Variants in GUCY1A1 observed in about 807,000 individuals in gnomAD.
GUCY1A1 encodes guanylate cyclase 1 soluble subunit alpha 1, also known as guanylate cyclase soluble subunit alpha-1.
Under a neutral mutation model 64.5 loss-of-function variants are expected in GUCY1A1, and 48 were observed. That is an observed-to-expected ratio of 0.74 (90% CI 0.59 to 0.95). GUCY1A1 has a LOEUF of 0.95. Ranked by LOEUF, GUCY1A1 falls within the 40% of genes least tolerant of loss-of-function variation. The pLI is 0.00. For synonymous variants in GUCY1A1, 308 were observed against 303.4 expected, an observed-to-expected ratio of 1.02 and a Z score of -0.16; for missense variants, 804 against 825.3, an observed-to-expected ratio of 0.97 and a Z score of 0.32.
At position 155,724,751 on chromosome 4, in the gene GUCY1A1, ACT is replaced by A. The variant is rs373423528; in HGVS notation, c.1871+2562_1871+2563del. Among the ~76,000 whole-genome samples the A allele has an allele frequency of 1.5e-4, 23 of 151,710 alleles. No individual in the cohort carries two copies. The East Asian group carries it at 4.5e-3, about 30-fold the overall frequency. Reference sequence around the variant, plus strand: ...TATCTTCTGTATCTGAACTTTTATGACTCTAACTATTTTTTAAAAAAAATCTT... The same window carrying A: ...TATCTTCTGTATCTGAACTTTTATGACTAACTATTTTTTAAAAAAAATCTT... On this transcript the variant is annotated intron_variant, in intron 9 of 9. Transcript: ENST00000506455.
intron 3 of GUCY1A1, among the ~76,000 whole-genome samples, chr4:155,700,026 G>A (rs1730881171): frequency 6.6e-6 from 1 of 152,094 alleles, no homozygotes; most frequent in Non-Finnish European, 1.5e-5. Flanking sequence ...CTTGCTTAAA[G>A]CAAAAGATAA....
chr4:155,674,461 A>AT (rs1381209177), intron 2 of GUCY1A1, among the ~76,000 whole-genome samples: 1 of 151,428 alleles, frequency 6.6e-6, no homozygotes, highest in East Asian at 1.9e-4. Flanking sequence ...TAAAAAAAAA[A>AT]TGTTTAAAAT....
At chr4:155,694,295 C>T (rs1730142588) in intron 2 of GUCY1A1, among the ~76,000 whole-genome samples, 1 of 152,052 alleles carries the variant, frequency 6.6e-6, no homozygotes, top group African/African-American at 2.4e-5. Context: ...GTAATTCCAG[C>T]ACTTTGTGAA....
chr4:155,673,266 C>T (rs1256443728), intron 2 of GUCY1A1, among the ~76,000 whole-genome samples: 1 of 151,386 alleles, frequency 6.6e-6, no homozygotes, highest in East Asian at 1.9e-4. Flanking sequence ...TTATGCTTGT[C>T]ACTGAGGAAG....
Position 155,696,762 on chromosome 4 carries a change from C to A in GUCY1A1, c.-106C>A. ...GACTTTTTGCTGTCCATAGACATCC[C>A]AGTTACCAGTGTCCTTGAATTGATA... On this transcript the variant is annotated 5_prime_UTR_variant, in exon 3 of 10. Transcript: ENST00000506455. The A allele has an allele frequency of 9.9e-7, 1 of 1,010,690 alleles. No individual in the cohort carries two copies. Among genetic ancestry groups the A allele is most frequent in the Non-Finnish European group, 1.5e-6 (1 of 670,168 alleles). 62.6% of individuals were successfully genotyped at this position (1,010,690 alleles called of 1,614,324 possible).
Position 155,730,757 on chromosome 4 carries a change from A to G in GUCY1A1, c.*526A>G, listed in dbSNP as rs974378286. 6.5e-6 allele frequency: 1 copy of G among 153,262 alleles called. No individual in the cohort carries two copies. Among genetic ancestry groups the G allele is most frequent in the African/African-American group, 2.4e-5 (1 of 41,362 alleles). The allele number at this position is 153,262 out of a possible 1,614,324, so 9.5% of individuals were successfully genotyped here. A position where few individuals can be genotyped will look rare whatever the true frequency, so the allele number is the denominator to read the frequency against. On this transcript the variant is annotated 3_prime_UTR_variant, in exon 10 of 10. Transcript: ENST00000506455. ...GAATATAGGCTGACTTTTTTTCTCT[A>G]TTGCACTTTCTTCTTTTTTTCTTTT...
At position 155,722,281 on chromosome 4, in the gene GUCY1A1, C is replaced by CT. The variant is rs1579117112; in HGVS notation, c.1871+95dup. On this transcript the variant is annotated intron_variant, in intron 9 of 9. Coordinates refer to ENST00000506455, the MANE Select transcript of GUCY1A1 (RefSeq NM_001130682.3). Reference sequence around the variant, plus strand: ...CACTGATTTGATTCATTCTTCATAACTTTTTTCTTCCTTAGTCGTAAGGAA... The same window carrying CT: ...CACTGATTTGATTCATTCTTCATAACTTTTTTTCTTCCTTAGTCGTAAGGAA... 7.9e-6 allele frequency: 12 copies of CT among 1,512,824 alleles called. No individual in the cohort carries two copies. The East Asian group carries it at 2.1e-4, about 27-fold the overall frequency. 93.7% of individuals were successfully genotyped at this position (1,512,824 alleles called of 1,614,324 possible).
chr4:155,680,212 C>T (rs1045553632), intron 2 of GUCY1A1, among the ~76,000 whole-genome samples: 8 of 152,172 alleles, frequency 5.3e-5, no homozygotes, highest in Middle Eastern at 3.4e-3. Context: ...TAATTTATCT[C>T]GTGAATGTTC....
rs370094263 is a variant in GUCY1A1 at position 155,713,084 on chromosome 4, C to T, written c.1087-14C>T. On this transcript the variant is annotated splice_polypyrimidine_tract_variant and intron_variant, in intron 6 of 9. Transcript: ENST00000506455. ...ACTTGAATAAACCACAATTGGTTATCCTTTCCTTCATAGGTTATGGACCTC... is the reference window on the plus strand; with the variant it reads ...ACTTGAATAAACCACAATTGGTTATTCTTTCCTTCATAGGTTATGGACCTC... The T allele has an allele frequency of 6.9e-6, 11 of 1,586,732 alleles. No individual in the cohort carries two copies. The highest frequency in any genetic ancestry group is 9.4e-6 in the Non-Finnish European group (11 of 1,165,580).
intron 2 of GUCY1A1, among the ~76,000 whole-genome samples, chr4:155,673,811 G>A (rs373206338): frequency 2.0e-5 from 3 of 151,470 alleles, no homozygotes; most frequent in African/African-American, 7.4e-5. Context: ...TACACATCTT[G>A]TAGATCTCAA....
At chr4:155,694,390 G>GA (rs539102277) in intron 2 of GUCY1A1, among the ~76,000 whole-genome samples, 2 of 152,038 alleles carry the variant, frequency 1.3e-5, no homozygotes, top group East Asian at 1.9e-4. Context: ...TAATAATAAT[G>GA]AAAAAAACTC....
At chr4:155,708,931 T>G (rs1483919809) in intron 5 of GUCY1A1, among the ~76,000 whole-genome samples, 2 of 152,008 alleles carry the variant, frequency 1.3e-5, no homozygotes, top group Non-Finnish European at 2.9e-5. Context: ...GTACTCAGAG[T>G]GTAAAGATTA....
rs971750293 is a variant in GUCY1A1 at position 155,731,680 on chromosome 4, A to C, written c.*1449A>C. On this transcript the variant is annotated 3_prime_UTR_variant, in exon 10 of 10. Transcript: ENST00000506455. Reference sequence around the variant, plus strand: ...AGAAAAAGATGAACGTTATAGTTTTAAAATCAATATTAGCAGAGCCATAGA... The same window carrying C: ...AGAAAAAGATGAACGTTATAGTTTTCAAATCAATATTAGCAGAGCCATAGA... The C allele has an allele frequency of 6.6e-6, 1 of 151,856 alleles. No individual in the cohort carries two copies. Among genetic ancestry groups the C allele is most frequent in the Non-Finnish European group, 1.5e-5 (1 of 67,852 alleles). 9.4% of individuals were successfully genotyped at this position (151,856 alleles called of 1,614,324 possible). A position where few individuals can be genotyped will look rare whatever the true frequency, so the allele number is the denominator to read the frequency against.
Position 155,707,835 on chromosome 4 carries a change from C to CTT in GUCY1A1, c.318-399_318-398dup, listed in dbSNP as rs145866986. ...TTTAAACTATTTTCTTTCTTTCTTT[C>CTT]TTTCTTTTTTTTTTGAGACAGTTTC... On this transcript the variant is annotated intron_variant, in intron 4 of 9. Transcript: ENST00000506455. 2.3e-3 allele frequency among the ~76,000 whole-genome samples: 307 copies of CTT among 131,808 alleles called. 3 individuals carry two copies. Among genetic ancestry groups the CTT allele is most frequent in the Middle Eastern group, 7.6e-3 (2 of 262 alleles). The allele number at this position is 131,808 out of a possible 152,430, so 86.5% of individuals were successfully genotyped here. A position where few individuals can be genotyped will look rare whatever the true frequency, so the allele number is the denominator to read the frequency against.
intron 2 of GUCY1A1, among the ~76,000 whole-genome samples, chr4:155,694,756 A>G (rs1369277986): frequency 3.3e-5 from 5 of 152,198 alleles, no homozygotes; most frequent in Non-Finnish European, 5.9e-5. Context: ...GAAAAGGTTA[A>G]AGCACTTTTA....
intron 9 of GUCY1A1, among the ~76,000 whole-genome samples, chr4:155,724,978 C>T (rs1021797418): frequency 5.3e-5 from 8 of 152,096 alleles, no homozygotes; most frequent in African/African-American, 1.7e-4. Context: ...CACCTAGTTA[C>T]TCAGACCATC....
chr4:155,699,956 TCA>T (rs1359957183), intron 3 of GUCY1A1, among the ~76,000 whole-genome samples: 1 of 152,164 alleles, frequency 6.6e-6, no homozygotes, highest in Non-Finnish European at 1.5e-5. Context: ...GTCTTCTTGA[TCA>T]TCTAATGCAA....
At chr4:155,677,130 TA>T (rs1735065584) in intron 2 of GUCY1A1, among the ~76,000 whole-genome samples, 1 of 146,780 alleles carries the variant, frequency 6.8e-6, no homozygotes, top group South Asian at 2.1e-4. Flanking sequence ...CTTTAGAATG[TA>T]GTAATAGGTA....
At chr4:155,722,651 C>T (rs67168236) in intron 9 of GUCY1A1, 61,431 of 155,930 alleles carry the variant, frequency 0.39, 12,361 homozygotes, top group African/African-American at 0.47. Context: ...GACGACTGAG[C>T]TACAATTTTG....
Sources: gnomAD v4.1 joint callset for allele counts (sites outside exome capture counted in the v4.1 genomes callset) on GRCh38, gnomAD v4.1.1 for gene constraint, MANE v1.5 for transcripts, NCBI Gene and HGNC (gene_info 2026-07-23, HGNC 2026-07-21) for gene names.